Variants in TTI2 observed in about 807,000 individuals in gnomAD.
TTI2 encodes TELO2-interacting protein 2.
TTI2 carries 26 observed loss-of-function variants against 44.9 expected under a neutral mutation model. That is an observed-to-expected ratio of 0.58 (90% confidence interval 0.42 to 0.80). The LOEUF (loss-of-function observed/expected upper bound fraction) is 0.80. Ranked by LOEUF, TTI2 falls within the 30% of genes least tolerant of loss-of-function variation. TTI2 has a pLI of 0.00. For synonymous variants in TTI2, 254 were observed against 250.9 expected (o/e 1.01, Z -0.12); for missense variants, 582 against 611.6 (o/e 0.95, Z 0.51).
chr8:33,506,243 A>G (rs185784536), intron 4 of TTI2, among the ~76,000 whole-genome samples: 1 of 152,362 alleles, frequency 6.6e-6, no homozygotes, highest in East Asian at 1.9e-4. Flanking sequence ...TCTTGGAACC[A>G]TGTCTGTTGG....
intron 1 of TTI2, 94 bp downstream of exon 1, chr8:33,512,988 T>C (rs1247082020): frequency 6.0e-6 from 1 of 165,798 alleles, no homozygotes; most frequent in East Asian, 1.7e-4. Flanking sequence ...AAAAGACTAC[T>C]GTTGCCTTTC....
Position 33,512,034 on chromosome 8 carries a change from C to T in TTI2, c.580G>A (p.Gly194Arg). 1 of 1,614,146 alleles carries T rather than the reference C, an allele frequency of 6.2e-7. No individual in the cohort carries two copies. Among genetic ancestry groups the T allele is most frequent in the Non-Finnish European group, 8.5e-7 (1 of 1,180,018 alleles). The change falls in exon 2 of 8, where the codon GGA (glycine) becomes AGA (arginine). Residue 194 changes from glycine (G) to arginine (R), a missense_variant. By Grantham distance (125) the Gly-to-Arg change is moderately radical (BLOSUM62 -2). Transcript: ENST00000431156. ...ECGSVAGFLH[G>R]ENEDEKGRLS... ...CTCCCTTTCTCATCTTCATTTTCTCCATGTAGGAATCCTGCCACAGAACCG... is the reference window on the plus strand; with the variant it reads ...CTCCCTTTCTCATCTTCATTTTCTCTATGTAGGAATCCTGCCACAGAACCG...
At chr8:33,511,863 TG>T in intron 2 of TTI2, 103 bp downstream of exon 2, 1 of 1,347,446 alleles carries the variant, frequency 7.4e-7, no homozygotes. Context: ...CACTCCACCC[TG>T]GGCAACAAGA....
chr8:33,499,259 G>A lies in TTI2; in HGVS notation c.1441C>T (p.Pro481Ser). The A allele has an allele frequency of 6.2e-7, 1 of 1,613,620 alleles. No homozygotes were observed. The highest frequency in any genetic ancestry group is 1.3e-5 in the African/African-American group (1 of 74,890). Residue 481 changes from proline (P) to serine (S), a missense_variant, in exon 8 of 8, where the codon CCC (proline) becomes TCC (serine). Coordinates refer to ENST00000431156, the MANE Select transcript of TTI2 (RefSeq NM_001102401.4). Reference protein sequence around the residue: ...GRVKGLLAKIPQSCEDRKVVN... With the variant: ...GRVKGLLAKISQSCEDRKVVN... ...ACTTTTCTGTCTTCACAGCTTTGGG[G>A]AATTTTGGCCAGGAGACCCTGAAAC...
Position 33,512,210 on chromosome 8 carries a change from A to C in TTI2, c.404T>G (p.Val135Gly), listed in dbSNP as rs1809562812. Residue 135 changes from valine (V) to glycine (G), a missense_variant, in exon 2 of 8, where the codon GTC (valine) becomes GGC (glycine). By Grantham distance (109) the Val-to-Gly change is moderately radical (BLOSUM62 -3). Coordinates refer to ENST00000431156, the MANE Select transcript of TTI2 (RefSeq NM_001102401.4). ...GKVETAKNSL[V>G]GPAWQTGLHH... is the part of the protein sequence containing the mutation. Reference sequence around the variant, plus strand: ...CAGGCCCGTCTGCCATGCAGGGCCGACCAGGGAATTCTTAGCAGTCTCAAC... The same window carrying C: ...CAGGCCCGTCTGCCATGCAGGGCCGCCCAGGGAATTCTTAGCAGTCTCAAC... The C allele has an allele frequency of 6.2e-7, 1 of 1,614,216 alleles. No individual in the cohort carries two copies. Among genetic ancestry groups the C allele is most frequent in the African/African-American group, 1.3e-5 (1 of 75,048 alleles).
chr8:33,512,205 G>T lies in TTI2; in HGVS notation c.409C>A (p.Pro137Thr), dbSNP rs767134917. 6.2e-7 allele frequency: 1 copy of T among 1,614,014 alleles called. No homozygotes were observed. The highest frequency in any genetic ancestry group is 1.3e-5 in the African/African-American group (1 of 74,902). ...TGATGCAGGCCCGTCTGCCATGCAGGGCCGACCAGGGAATTCTTAGCAGTC... is the reference window on the plus strand; with the variant it reads ...TGATGCAGGCCCGTCTGCCATGCAGTGCCGACCAGGGAATTCTTAGCAGTC... ...VETAKNSLVG[P>T]AWQTGLHHLA... Residue 137 changes from proline (P) to threonine (T), a missense_variant, in exon 2 of 8, where the codon CCT becomes ACT. Transcript: ENST00000431156.
chr8:33,500,208 A>G lies in TTI2; in HGVS notation c.1422+120T>C, dbSNP rs1040531103. 2.5e-6 allele frequency: 3 copies of G among 1,179,636 alleles called. No homozygotes were observed. The East Asian group carries it at 7.4e-5, about 29-fold the overall frequency. The allele number at this position is 1,179,636 out of a possible 1,614,324, so 73.1% of individuals were successfully genotyped here. ...GGCTAGAGGGCTCATATGGAGATCT[A>G]AAACCCTCCATGTTCATTTCCAGAC... On this transcript the variant is annotated intron_variant, in intron 7 of 7. Coordinates refer to ENST00000431156, the MANE Select transcript of TTI2 (RefSeq NM_001102401.4).
chr8:33,511,733 CA>C, intron 2 of TTI2, among the ~76,000 whole-genome samples: 1 of 151,964 alleles, frequency 6.6e-6, no homozygotes, highest in African/African-American at 2.4e-5. Flanking sequence ...ACTAAAAATA[CA>C]AAAAATCAGC....
chr8:33,512,856 CAG>C (rs1364760353), intron 1 of TTI2, 144 bp from the exon 2 acceptor site: 5 of 243,490 alleles, frequency 2.1e-5, no homozygotes, highest in Non-Finnish European at 3.6e-5. Context: ...GCCTGGGCGA[CAG>C]AGTGAGACTC....
intron 3 of TTI2, among the ~76,000 whole-genome samples, chr8:33,509,151 A>AAT (rs56149510): frequency 7.8e-6 from 1 of 128,762 alleles, no homozygotes; most frequent in Non-Finnish European, 1.7e-5. Flanking sequence ...AAAAAAAAAA[A>AAT]GAAAGAAAGA....
chr8:33,501,523 T>C (rs900501405), intron 6 of TTI2, among the ~76,000 whole-genome samples: 27 of 152,354 alleles, frequency 1.8e-4, no homozygotes, highest in African/African-American at 6.0e-4. Flanking sequence ...TGATTCATTC[T>C]CTTCCAGTCC....
In TTI2 at chr8:33,512,492, T is replaced by C. The variant is rs980616676; in HGVS notation, c.122A>G (p.Glu41Gly). Residue 41 changes from glutamate to glycine, a missense_variant, in exon 2 of 8, where the codon GAG (glutamate) becomes GGG (glycine). Coordinates refer to ENST00000431156, the MANE Select transcript of TTI2 (RefSeq NM_001102401.4). ...ATCTTTTACATTGCCTCGTCGTGCC[T>C]CCGGGCGGGCAAGACAGTGTAAAAT... ...SKILHCLARP[E>G]ARRGNVKDAV... The C allele has an allele frequency of 4.3e-6, 7 of 1,614,074 alleles. No homozygotes were observed. Among genetic ancestry groups the C allele is most frequent in the African/African-American group, 1.3e-5 (1 of 74,988 alleles).
chr8:33,507,405 T>A, intron 3 of TTI2, 84 bp from the exon 4 acceptor site: 1 of 1,228,066 alleles, frequency 8.1e-7, no homozygotes, highest in Non-Finnish European at 1.2e-6. Context: ...GGATTATGGG[T>A]ATGAAGCATG....
intron 6 of TTI2, among the ~76,000 whole-genome samples, chr8:33,502,141 A>G (rs1809104099): frequency 1.3e-5 from 2 of 151,860 alleles, no homozygotes; most frequent in Non-Finnish European, 2.9e-5. Flanking sequence ...ACGGGGTTTC[A>G]CCATATTGGC....
intron 3 of TTI2, among the ~76,000 whole-genome samples, chr8:33,509,234 G>A (rs1288612934): frequency 2.0e-5 from 3 of 151,300 alleles, no homozygotes; most frequent in Admixed American, 2.0e-4. Context: ...TGAGGCAGGT[G>A]GATCACAAGG....
Position 33,500,443 on chromosome 8 carries a change from AT to A in TTI2, c.1306del (p.Ile436PhefsTer4), listed in dbSNP as rs1305085050. 1 of 1,614,090 alleles carries A rather than the reference AT, an allele frequency of 6.2e-7. No individual in the cohort carries two copies. Among genetic ancestry groups the A allele is most frequent in the East Asian group, 2.2e-5 (1 of 44,882 alleles). Reference sequence around the variant, plus strand: ...GTTTGGATCCCTTGCTACATCACAAATCAGTTTCAAGAGGGCCTTCAGTAAG... The same window carrying A: ...GTTTGGATCCCTTGCTACATCACAAACAGTTTCAAGAGGGCCTTCAGTAAG... ...VVLLKALLKL[I>X]CDVARDPNLT... On this transcript the variant is annotated frameshift_variant, in exon 7 of 8. Coordinates refer to ENST00000431156, the MANE Select transcript of TTI2 (RefSeq NM_001102401.4). LOFTEE classifies it high-confidence loss of function.
At chr8:33,504,299 T>TTTTTTTTA (rs1809219566) in intron 4 of TTI2, among the ~76,000 whole-genome samples, 1 of 132,778 alleles carries the variant, frequency 7.5e-6, no homozygotes. Flanking sequence ...ATTTTTTTTT[T>TTTTTTTTA]TTTTTTTTTT....
chr8:33,511,293 T>C (rs2732296), intron 2 of TTI2, among the ~76,000 whole-genome samples: 3,368 of 152,072 alleles, frequency 0.022, 59 homozygotes, highest in East Asian at 0.077. Flanking sequence ...TCCACCCGCC[T>C]CGGCCTCCCA....
chr8:33,504,684 C>T (rs2128828497), intron 4 of TTI2, among the ~76,000 whole-genome samples: 1 of 152,096 alleles, frequency 6.6e-6, no homozygotes, highest in South Asian at 2.1e-4. Flanking sequence ...CAAAAAAAAT[C>T]TTACAACATT....
Sources: gnomAD v4.1 joint callset for allele counts (sites outside exome capture counted in the v4.1 genomes callset) on GRCh38, gnomAD v4.1.1 for gene constraint, MANE v1.5 for transcripts, NCBI Gene and HGNC (gene_info 2026-07-23, HGNC 2026-07-21) for gene names.